Variants in SH2D4A observed in about 807,000 individuals in gnomAD.
SH2D4A encodes SH2 domain-containing protein 4A.
Under a neutral mutation model 64.7 loss-of-function variants are expected in SH2D4A, and 70 were observed. The ratio of observed to expected loss-of-function variants is 1.08; its 90% CI spans 0.89 to 1.32. The LOEUF is 1.32. Ranked by LOEUF, SH2D4A falls within the 40% of genes most tolerant of loss-of-function variation. SH2D4A has a pLI of 0.00. For missense variants in SH2D4A, 706 were observed against 540.1 expected, an observed-to-expected ratio of 1.31 and a Z score of -3.04; for synonymous variants, 268 against 200.7, an observed-to-expected ratio of 1.34 and a Z score of -2.83.
chr8:19,363,981 TG>T, intron 6 of SH2D4A, 90 bp from the exon 7 acceptor site: 1 of 1,203,794 alleles, frequency 8.3e-7, no homozygotes, highest in Non-Finnish European at 1.2e-6. Flanking sequence ...GCTGAGAACC[TG>T]CGCTGCTGCC....
chr8:19,347,365 T>A (rs1200906505), intron 4 of SH2D4A, among the ~76,000 whole-genome samples: 2 of 152,170 alleles, frequency 1.3e-5, no homozygotes, highest in African/African-American at 2.4e-5. Context: ...TCACCCTACC[T>A]AGGGGAGTTT....
chr8:19,319,302 A>G (rs2052144279), intron 1 of SH2D4A, 42 bp from the exon 2 acceptor site: 1 of 1,170,810 alleles, frequency 8.5e-7, no homozygotes, highest in Non-Finnish European at 1.1e-6. Context: ...GTGTCCACAC[A>G]TTTTAACACG....
intron 8 of SH2D4A, among the ~76,000 whole-genome samples, chr8:19,384,618 C>A (rs1399452661): frequency 6.6e-6 from 1 of 152,116 alleles, no homozygotes; most frequent in Non-Finnish European, 1.5e-5. Context: ...TCCTTCTGGC[C>A]AAATTTAACA....
chr8:19,380,809 C>T (rs184535671), intron 8 of SH2D4A, among the ~76,000 whole-genome samples: 22 of 152,168 alleles, frequency 1.4e-4, no homozygotes, highest in African/African-American at 3.9e-4. Context: ...GTATGTGTGA[C>T]GTCTTCCTGT....
chr8:19,392,216 A>G (rs555624157), intron 8 of SH2D4A, among the ~76,000 whole-genome samples: 2 of 152,316 alleles, frequency 1.3e-5, no homozygotes, highest in African/African-American at 2.4e-5. Flanking sequence ...TCATATGTGT[A>G]TATAAAGACA....
intron 8 of SH2D4A, among the ~76,000 whole-genome samples, chr8:19,391,029 G>A (rs2053484111): frequency 6.6e-6 from 1 of 152,150 alleles, no homozygotes; most frequent in South Asian, 2.1e-4. Flanking sequence ...CAGCCTAGGA[G>A]GAGGGAGAGA....
chr8:19,341,593 T>C (rs1007969290), intron 4 of SH2D4A, among the ~76,000 whole-genome samples: 1 of 152,104 alleles, frequency 6.6e-6, no homozygotes, highest in Admixed American at 6.6e-5. Flanking sequence ...CTGTAATGCC[T>C]GCACTTTGGG....
intron 8 of SH2D4A, among the ~76,000 whole-genome samples, chr8:19,387,474 A>C (rs544026130): frequency 2.0e-4 from 31 of 152,382 alleles, no homozygotes; most frequent in African/African-American, 7.5e-4. Flanking sequence ...TCCTGGTCTC[A>C]AGTGATCCTC....
chr8:19,376,783 G>A (rs2053203040), intron 8 of SH2D4A, among the ~76,000 whole-genome samples: 1 of 152,096 alleles, frequency 6.6e-6, no homozygotes, highest in Non-Finnish European at 1.5e-5. Flanking sequence ...GTGCTGGTCT[G>A]CTTGCTATAG....
intron 8 of SH2D4A, among the ~76,000 whole-genome samples, chr8:19,384,805 C>T (rs548303944): frequency 6.6e-6 from 1 of 152,278 alleles, no homozygotes; most frequent in East Asian, 1.9e-4. Flanking sequence ...AGGTTCATTT[C>T]TTCATTCTAT....
intron 1 of SH2D4A, among the ~76,000 whole-genome samples, chr8:19,318,041 C>T (rs2052120261): frequency 6.6e-6 from 1 of 152,088 alleles, no homozygotes. Flanking sequence ...GCTGGGATTA[C>T]AGGCACCCAC....
At chr8:19,360,525 A>T (rs1446511483) in intron 5 of SH2D4A, among the ~76,000 whole-genome samples, 1 of 152,162 alleles carries the variant, frequency 6.6e-6, no homozygotes, top group Non-Finnish European at 1.5e-5. Flanking sequence ...GAGGCAGGAG[A>T]ATCGCTTGAA....
chr8:19,394,097 G>A (rs1278687906), intron 9 of SH2D4A, among the ~76,000 whole-genome samples: 1 of 152,176 alleles, frequency 6.6e-6, no homozygotes, highest in Non-Finnish European at 1.5e-5. Flanking sequence ...TTCCTAAGGA[G>A]CGCACAACTG....
chr8:19,318,170 C>T (rs1040207723), intron 1 of SH2D4A, among the ~76,000 whole-genome samples: 2 of 152,214 alleles, frequency 1.3e-5, no homozygotes, highest in Admixed American at 6.5e-5. Context: ...TCCCAAAGTG[C>T]TGGGATTACA....
In SH2D4A at chr8:19,315,387, C is replaced by G. The variant is rs539818105; in HGVS notation, c.-205+1564C>G. On this transcript the variant is annotated intron_variant, in intron 1 of 9. Coordinates refer to ENST00000265807, the MANE Select transcript of SH2D4A (RefSeq NM_022071.4). The stretch of plus-strand genomic sequence containing the variant: ...CTGAGCTCCAGCAATCCACCCATGT[C>G]CACCTCCCAAAGTGTTGGGATTACA... Among the ~76,000 whole-genome samples, 7 of 152,314 alleles carry G rather than the reference C, an allele frequency of 4.6e-5. No individual in the cohort carries two copies. The South Asian group carries it at 8.3e-4, about 18-fold the overall frequency.
intron 1 of SH2D4A, among the ~76,000 whole-genome samples, chr8:19,317,292 A>C (rs1341476400): frequency 6.7e-6 from 1 of 148,190 alleles, no homozygotes; most frequent in East Asian, 2.0e-4. Flanking sequence ...AGAAATCTTG[A>C]CAAGACATCC....
intron 8 of SH2D4A, among the ~76,000 whole-genome samples, chr8:19,385,033 T>C (rs897567874): frequency 1.3e-5 from 2 of 152,242 alleles, no homozygotes; most frequent in African/African-American, 4.8e-5. Context: ...AATTAGACTG[T>C]TGATGAAATC....
chr8:19,332,835 C>G (rs1204938029), intron 2 of SH2D4A, 120 bp from the exon 3 acceptor site: 1 of 818,420 alleles, frequency 1.2e-6, no homozygotes, highest in Non-Finnish European at 1.7e-6. Context: ...AGTTCTTTGT[C>G]TCATCTGATA....
intron 4 of SH2D4A, among the ~76,000 whole-genome samples, chr8:19,336,482 TC>T (rs937086383): frequency 1.3e-5 from 2 of 151,834 alleles, no homozygotes; most frequent in African/African-American, 4.8e-5. Flanking sequence ...AACACTAAAC[TC>T]CCCCAACACG....
Sources: allele counts gnomAD v4.1 joint callset (sites outside exome capture counted in the v4.1 genomes callset), GRCh38; gene constraint gnomAD v4.1.1; transcripts MANE v1.5; gene names NCBI Gene and HGNC (gene_info 2026-07-23, HGNC 2026-07-21).